UBAC2: variants seen among roughly 807,000 people sequenced by gnomAD.
UBAC2 encodes the protein UBA domain containing 2.
Under a neutral mutation model 44.0 loss-of-function variants are expected in UBAC2, and 26 were observed. The observed-to-expected ratio is 0.59, with a 90% CI of 0.43 to 0.82. The LOEUF (loss-of-function observed/expected upper bound fraction) is 0.82. UBAC2 is among the 40% of genes least tolerant of loss of function. The pLI is 0.00. For synonymous variants in UBAC2, 155 were observed against 154.3 expected (o/e 1.00, Z -0.04); for missense variants, 329 against 419.4 (o/e 0.78, Z 1.88).
At chr13:99,272,054 T>G (rs2138666992) in intron 4 of UBAC2, among the ~76,000 whole-genome samples, 1 of 152,334 alleles carries the variant, frequency 6.6e-6, no homozygotes, top group Middle Eastern at 3.4e-3. Context: ...ATAAATGGAA[T>G]ATTTTTAGTC....
chr13:99,236,177 A>C (rs2043230553), intron 1 of UBAC2, among the ~76,000 whole-genome samples: 1 of 152,220 alleles, frequency 6.6e-6, no homozygotes, highest in Non-Finnish European at 1.5e-5. Flanking sequence ...TCAAAAGCAC[A>C]GACAGCCAAA....
At chr13:99,381,084 G>A (rs1195348084) in intron 8 of UBAC2, among the ~76,000 whole-genome samples, 3 of 152,232 alleles carry the variant, frequency 2.0e-5, no homozygotes, top group Non-Finnish European at 2.9e-5. Context: ...AGGAAGTCTC[G>A]TGTACATAGA....
At chr13:99,211,220 A>G (rs2042934053) in intron 1 of UBAC2, among the ~76,000 whole-genome samples, 1 of 152,160 alleles carries the variant, frequency 6.6e-6, no homozygotes, top group Non-Finnish European at 1.5e-5. Context: ...CCCCTCCACA[A>G]ACGAGTCTTT....
chr13:99,255,595 A>C, intron 4 of UBAC2: 1 of 1,614,234 alleles, frequency 6.2e-7, no homozygotes, highest in Non-Finnish European at 8.5e-7. Flanking sequence ...AATCTGGCAG[A>C]AGTACTCTCC....
intron 7 of UBAC2, among the ~76,000 whole-genome samples, chr13:99,349,601 CAG>C (rs1012013713): frequency 5.4e-4 from 82 of 152,268 alleles, no homozygotes; most frequent in African/African-American, 2.0e-3. Flanking sequence ...AATCACAGGA[CAG>C]GGGGGCCCTT....
At chr13:99,310,880 A>G (rs2044402429) in intron 4 of UBAC2, among the ~76,000 whole-genome samples, 1 of 152,220 alleles carries the variant, frequency 6.6e-6, no homozygotes, top group Non-Finnish European at 1.5e-5. Flanking sequence ...AAGCGCCTCC[A>G]AGGGCATGTT....
chr13:99,316,468 C>T (rs1165853977), intron 5 of UBAC2, among the ~76,000 whole-genome samples: 1 of 151,954 alleles, frequency 6.6e-6, no homozygotes, highest in East Asian at 1.9e-4. Context: ...TCGGAAGAGC[C>T]AAAATGCTTA....
In UBAC2 at chr13:99,238,434, G is replaced by T; in HGVS notation, c.39G>T (p.Ala13=). ...TSTGSSGLYK[A]PLSKSLLLVP... ...TTTCCTTTTTCCCTCCAGACAAGGC[G>T]CCTCTGTCGAAGAGCCTTCTGCTGG... is the stretch of plus-strand genomic sequence containing the variant. Residue 13 remains alanine, a synonymous_variant, in exon 2 of 9, where the codon GCG becomes GCT. Transcript: ENST00000403766. 1 of 1,613,096 alleles carries T rather than the reference G, an allele frequency of 6.2e-7. No homozygotes were observed.
intron 4 of UBAC2, chr13:99,255,656 T>C: frequency 6.2e-7 from 1 of 1,614,058 alleles, no homozygotes; most frequent in African/African-American, 1.3e-5. Context: ...GGTAAAGTCA[T>C]TATAAATATC....
At chr13:99,277,385 C>T (rs2043897667) in intron 4 of UBAC2, among the ~76,000 whole-genome samples, 1 of 151,932 alleles carries the variant, frequency 6.6e-6, no homozygotes, top group Admixed American at 6.6e-5. Flanking sequence ...ATTAGCCGAG[C>T]ATGGTGGCAC....
At chr13:99,316,968 A>C (rs1231904952) in intron 5 of UBAC2, among the ~76,000 whole-genome samples, 2 of 152,242 alleles carry the variant, frequency 1.3e-5, no homozygotes, top group Middle Eastern at 3.2e-3. Flanking sequence ...ATATTTGTCT[A>C]CATGGTTCCA....
At chr13:99,345,390 G>C (rs2044959044) in intron 7 of UBAC2, among the ~76,000 whole-genome samples, 1 of 152,124 alleles carries the variant, frequency 6.6e-6, no homozygotes, top group African/African-American at 2.4e-5. Context: ...CACAGAGGAG[G>C]AGACAAATAG....
At position 99,200,886 on chromosome 13, in the gene UBAC2, G is replaced by A. The variant is rs2042785361; in HGVS notation, c.-23G>A. The A allele has an allele frequency of 3.1e-6, 4 of 1,302,722 alleles. No homozygotes were observed. The South Asian group carries it at 8.4e-5, about 27-fold the overall frequency. 80.7% of individuals were successfully genotyped at this position (1,302,722 alleles called of 1,614,324 possible). A position where few individuals can be genotyped will look rare whatever the true frequency, so the allele number is the denominator to read the frequency against. Reference sequence around the variant, plus strand: ...AGCTTCCCCTCCCCCGGCGCCCTCTGGGGCTCCGAGCCCGGCGGGACCATG... The same window carrying A: ...AGCTTCCCCTCCCCCGGCGCCCTCTAGGGCTCCGAGCCCGGCGGGACCATG... On this transcript the variant is annotated 5_prime_UTR_variant, in exon 1 of 9. Coordinates refer to ENST00000403766, the MANE Select transcript of UBAC2 (RefSeq NM_001144072.2).
chr13:99,295,028 T>C lies in UBAC2; in HGVS notation c.390-19069T>C. ...AGTCCTGCAAAGTTTGTCATACAGT[T>C]TACGTCACTATAAACCAAAATACAA... On this transcript the variant is annotated intron_variant, in intron 4 of 8. Transcript: ENST00000403766. This position sits in a 1 kb window ranked among gnomAD's most constrained non-coding sequence, Gnocchi z 4.1. 2 of 1,590,672 alleles carry C rather than the reference T, an allele frequency of 1.3e-6. No individual in the cohort carries two copies. The highest frequency in any genetic ancestry group is 1.7e-6 in the Non-Finnish European group (2 of 1,168,614).
intron 1 of UBAC2, among the ~76,000 whole-genome samples, chr13:99,211,060 T>A (rs190941266): frequency 7.5e-4 from 115 of 152,366 alleles, no homozygotes; most frequent in Middle Eastern, 3.4e-3. Context: ...TATTCTCGTA[T>A]AACTTTTAGT....
intron 4 of UBAC2, among the ~76,000 whole-genome samples, chr13:99,290,215 T>C (rs2044071280): frequency 6.6e-6 from 1 of 152,198 alleles, no homozygotes; most frequent in African/African-American, 2.4e-5. Flanking sequence ...ACAGCATTCT[T>C]GTGAGATTTG....
At chr13:99,266,917 TTTAG>T (rs1203550978) in intron 4 of UBAC2, among the ~76,000 whole-genome samples, 2 of 152,134 alleles carry the variant, frequency 1.3e-5, no homozygotes, top group African/African-American at 4.8e-5. Context: ...TAATTCTGGT[TTTAG>T]TTTGTTGGGG....
intron 5 of UBAC2, 135 bp downstream of exon 5, chr13:99,314,355 C>A: frequency 9.7e-7 from 1 of 1,029,818 alleles, no homozygotes; most frequent in Non-Finnish European, 1.3e-6. Flanking sequence ...TGATCTATAT[C>A]AAATGTTTAA....
chr13:99,216,141 G>A lies in UBAC2; in HGVS notation c.31+15202G>A, dbSNP rs1024263890. Among the ~76,000 whole-genome samples the A allele has an allele frequency of 4.6e-5, 7 of 151,456 alleles. 1 individual carries two copies. The highest frequency in any genetic ancestry group is 1.9e-4 in the East Asian group (1 of 5,134). On this transcript the variant is annotated intron_variant, in intron 1 of 8. Coordinates refer to ENST00000403766, the MANE Select transcript of UBAC2 (RefSeq NM_001144072.2). ...TTTTGAGACACAGTCTCACTCTGAC[G>A]CCTCAGCTGGAGTGCAGTGGTGCAA...
Sources: allele counts gnomAD v4.1 joint callset (sites outside exome capture counted in the v4.1 genomes callset), GRCh38; gene constraint gnomAD v4.1.1; non-coding constraint Gnocchi (gnomAD v3.1); transcripts MANE v1.5; gene names NCBI Gene and HGNC (gene_info 2026-07-23, HGNC 2026-07-21).